The following CDK8 variants were observed in gnomAD, a reference collection of about 807,000 sequenced individuals.
CDK8 encodes cyclin-dependent kinase 8.
CDK8 carries 29 observed loss-of-function variants against 71.5 expected under a neutral mutation model. The observed-to-expected ratio is 0.41, with a 90% CI of 0.30 to 0.55. CDK8 has a LOEUF of 0.55. Ranked by LOEUF, CDK8 falls within the 20% of genes least tolerant of loss-of-function variation. The pLI, the probability that CDK8 is intolerant of heterozygous loss-of-function variation, is 0.37. For missense variants in CDK8, 288 were observed against 572.6 expected (o/e 0.50, Z 5.07); for synonymous variants, 161 against 192.1 (o/e 0.84, Z 1.34).
intron 1 of CDK8, among the ~76,000 whole-genome samples, chr13:26,281,584 C>T (rs571591350): frequency 6.6e-6 from 1 of 152,294 alleles, no homozygotes; most frequent in African/African-American, 2.4e-5. Context: ...AAACAAGGTT[C>T]TATAACATCC....
At chr13:26,361,783 C>CTT (rs1201582663) in intron 4 of CDK8, among the ~76,000 whole-genome samples, 2 of 112,222 alleles carry the variant, frequency 1.8e-5, no homozygotes, top group Non-Finnish European at 3.5e-5. Context: ...TTTTCTTTTC[C>CTT]CTTTTTTTTT....
At chr13:26,329,483 G>T (rs60737712) in intron 1 of CDK8, among the ~76,000 whole-genome samples, 58,060 of 127,968 alleles carry the variant, frequency 0.45, 13,975 homozygotes, top group Middle Eastern at 0.54. Flanking sequence ...TTTTTTTTTT[G>T]TTTTTTTTTT....
intron 4 of CDK8, among the ~76,000 whole-genome samples, chr13:26,369,125 T>C (rs1341268050): frequency 6.6e-6 from 1 of 152,078 alleles, no homozygotes; most frequent in Non-Finnish European, 1.5e-5. Flanking sequence ...AGGAATTATT[T>C]GTTCCTTGAA....
chr13:26,373,482 T>C (rs1162738232), intron 4 of CDK8, among the ~76,000 whole-genome samples: 1 of 152,184 alleles, frequency 6.6e-6, no homozygotes, highest in East Asian at 1.9e-4. Flanking sequence ...AACAATCTTT[T>C]AACAAATTTT....
chr13:26,321,341 A>G (rs1874765354), intron 1 of CDK8, among the ~76,000 whole-genome samples: 1 of 152,198 alleles, frequency 6.6e-6, no homozygotes, highest in African/African-American at 2.4e-5. Flanking sequence ...AATTAAGATC[A>G]TAGAGACAGA....
intron 1 of CDK8, among the ~76,000 whole-genome samples, chr13:26,331,334 T>C (rs1052114413): frequency 9.9e-5 from 15 of 152,244 alleles, no homozygotes; most frequent in Non-Finnish European, 2.1e-4. Flanking sequence ...TCCTTTTATA[T>C]TGTGGATATT....
intron 2 of CDK8, among the ~76,000 whole-genome samples, chr13:26,346,049 T>C (rs1261400020): frequency 6.6e-6 from 1 of 152,232 alleles, no homozygotes; most frequent in Non-Finnish European, 1.5e-5. Flanking sequence ...TTGGGAGGTA[T>C]TGGTATTAGA....
At chr13:26,293,598 T>C (rs1488183810) in intron 1 of CDK8, among the ~76,000 whole-genome samples, 1 of 30,046 alleles carries the variant, frequency 3.3e-5, no homozygotes, top group Non-Finnish European at 6.1e-5. Flanking sequence ...AGTGAGACTG[T>C]CTCAAAAAAA....
chr13:26,347,296 C>T (rs1873498818), intron 2 of CDK8, among the ~76,000 whole-genome samples: 2 of 152,122 alleles, frequency 1.3e-5, no homozygotes, highest in Non-Finnish European at 2.9e-5. Context: ...AAATTTTAAT[C>T]AACTTTACTA....
At chr13:26,287,531 G>A (rs1401032059) in intron 1 of CDK8, among the ~76,000 whole-genome samples, 1 of 152,164 alleles carries the variant, frequency 6.6e-6, no homozygotes, top group African/African-American at 2.4e-5. Flanking sequence ...AGGATGCAAA[G>A]GCATAAGAGT....
intron 4 of CDK8, among the ~76,000 whole-genome samples, chr13:26,374,666 A>G (rs1874861713): frequency 6.6e-6 from 1 of 152,168 alleles, no homozygotes; most frequent in African/African-American, 2.4e-5. Context: ...TCTTGTCAAT[A>G]AAACAAAACT....
intron 1 of CDK8, among the ~76,000 whole-genome samples, chr13:26,320,157 T>C (rs1439608470): frequency 6.6e-6 from 1 of 151,782 alleles, no homozygotes; most frequent in East Asian, 1.9e-4. Context: ...CCCAGCACTT[T>C]GGGAGGCTGA....
intron 12 of CDK8, among the ~76,000 whole-genome samples, chr13:26,403,544 T>G (rs1463815644): frequency 6.6e-6 from 1 of 152,222 alleles, no homozygotes. Context: ...TACTCACTTT[T>G]ACTCTTCAGT....
rs368298572 is a variant in CDK8 at position 26,269,034 on chromosome 13, A to G, written c.128+14265A>G. Among the ~76,000 whole-genome samples the G allele has an allele frequency of 4.6e-5, 7 of 152,054 alleles. No individual in the cohort carries two copies. The East Asian group carries it at 1.4e-3, about 29-fold the overall frequency. On this transcript the variant is annotated intron_variant, in intron 1 of 12. Coordinates refer to ENST00000381527, the MANE Select transcript of CDK8 (RefSeq NM_001260.3). ...GACATTGTTTATTGTTGCCTTTCTC[A>G]GTTGCGTTCACTTATGGACTTGCCT...
At chr13:26,311,695 C>G (rs1399481990) in intron 1 of CDK8, among the ~76,000 whole-genome samples, 1 of 152,174 alleles carries the variant, frequency 6.6e-6, no homozygotes, top group Non-Finnish European at 1.5e-5. Context: ...TCATCTCCCT[C>G]TCTTCCTCAC....
chr13:26,381,248 A>G (rs1478518282), intron 4 of CDK8, among the ~76,000 whole-genome samples: 2 of 152,168 alleles, frequency 1.3e-5, no homozygotes, highest in African/African-American at 4.8e-5. Flanking sequence ...GCCTAATTCC[A>G]TTTGGAAAGC....
chr13:26,273,217 T>C (rs1285399532), intron 1 of CDK8, among the ~76,000 whole-genome samples: 1 of 152,208 alleles, frequency 6.6e-6, no homozygotes, highest in East Asian at 1.9e-4. Flanking sequence ...GCCATAAATA[T>C]AGGATATTTT....
At chr13:26,368,785 G>A (rs1234073785) in intron 4 of CDK8, among the ~76,000 whole-genome samples, 3 of 152,128 alleles carry the variant, frequency 2.0e-5, no homozygotes, top group Admixed American at 2.0e-4. Context: ...TAAGTTGTTT[G>A]TTTCTAAATC....
chr13:26,307,018 G>A lies in CDK8; in HGVS notation c.129-30549G>A, dbSNP rs570994209. Among the ~76,000 whole-genome samples the A allele has an allele frequency of 7.9e-5, 12 of 152,204 alleles. No individual in the cohort carries two copies. In the South Asian group the frequency reaches 2.5e-3, roughly 32 times the overall value. On this transcript the variant is annotated intron_variant, in intron 1 of 12. Transcript: ENST00000381527. The stretch of plus-strand genomic sequence containing the variant: ...CTTAGGAGAGAAACTCATATTAAAA[G>A]CTTTTAAACATTTGGGGCATATACA...
Sources: allele counts gnomAD v4.1 joint callset (sites outside exome capture counted in the v4.1 genomes callset), GRCh38; gene constraint gnomAD v4.1.1; transcripts MANE v1.5; gene names NCBI Gene and HGNC (gene_info 2026-07-23, HGNC 2026-07-21).